Variants in ADAMTS3 observed in about 807,000 individuals in gnomAD.
ADAMTS3 encodes the protein ADAM metallopeptidase with thrombospondin type 1 motif 3, also known as A disintegrin and metalloproteinase with thrombospondin motifs 3.
In ADAMTS3, 73 loss-of-function variants were observed where a neutral mutation model predicts 129.0. That is an observed-to-expected ratio of 0.57 (90% CI 0.47 to 0.69). The LOEUF is 0.69. Among genes scored for constraint, ADAMTS3 ranks in the 30% least tolerant of loss-of-function variants. The pLI, the probability that ADAMTS3 is intolerant of heterozygous loss-of-function variation, is 0.00. For missense variants in ADAMTS3, 1,457 were observed against 1,514.5 expected (o/e 0.96, Z 0.63); for synonymous variants, 477 against 510.8 (o/e 0.93, Z 0.89).
chr4:72,332,768 C>T (rs757328202), intron 5 of ADAMTS3, among the ~76,000 whole-genome samples: 1 of 152,130 alleles, frequency 6.6e-6, no homozygotes, highest in Non-Finnish European at 1.5e-5. Context: ...AAATCTGCCT[C>T]ATCAGCCTGT....
chr4:72,323,036 A>G lies in ADAMTS3; in HGVS notation c.923T>C (p.Met308Thr). ...GVHINVVLVR[M>T]IMLGYAKSIS... ...TACCTTTGCATATCCCAGCATTATC[A>G]TGCGCACCAGGACCACATTTATATG... Residue 308 changes from methionine (M) to threonine (T), a missense_variant, in exon 6 of 22, where the codon ATG (methionine) becomes ACG (threonine). Transcript: ENST00000286657. 3.1e-6 allele frequency: 5 copies of G among 1,613,500 alleles called. No homozygotes were observed. The highest frequency in any genetic ancestry group is 4.2e-6 in the Non-Finnish European group (5 of 1,179,590).
At chr4:72,447,565 A>T (rs923582505) in intron 3 of ADAMTS3, among the ~76,000 whole-genome samples, 1 of 151,788 alleles carries the variant, frequency 6.6e-6, no homozygotes, top group African/African-American at 2.4e-5. Flanking sequence ...CAAAATGTAG[A>T]TGTAAAAATT....
intron 21 of ADAMTS3, among the ~76,000 whole-genome samples, chr4:72,285,769 CAAA>C (rs5859311): frequency 0.01 from 948 of 93,656 alleles, 6 homozygotes; most frequent in African/African-American, 0.031. Context: ...AGCTTACAGG[CAAA>C]AAAAAAAAAA....
At chr4:72,286,117 T>C (rs1049733380) in intron 21 of ADAMTS3, among the ~76,000 whole-genome samples, 3 of 152,380 alleles carry the variant, frequency 2.0e-5, no homozygotes, top group South Asian at 4.1e-4. Flanking sequence ...ATTAGCTCCC[T>C]GGTTTTATAT....
At chr4:72,411,463 T>C (rs1722182581) in intron 4 of ADAMTS3, among the ~76,000 whole-genome samples, 1 of 152,058 alleles carries the variant, frequency 6.6e-6, no homozygotes, top group Non-Finnish European at 1.5e-5. Context: ...CCCAATTCTG[T>C]GCAGTGTATA....
chr4:72,332,630 C>A (rs2109823704), intron 5 of ADAMTS3, among the ~76,000 whole-genome samples: 1 of 152,084 alleles, frequency 6.6e-6, no homozygotes, highest in South Asian at 2.1e-4. Context: ...CACATTAGAC[C>A]CAGAAGACCA....
chr4:72,397,544 G>A (rs1721756891), intron 4 of ADAMTS3, among the ~76,000 whole-genome samples: 2 of 140,604 alleles, frequency 1.4e-5, no homozygotes, highest in Non-Finnish European at 1.5e-5. Flanking sequence ...CAGCCTGGGC[G>A]ACAGGGTGAG....
At chr4:72,318,292 T>G (rs531451409) in intron 10 of ADAMTS3, among the ~76,000 whole-genome samples, 2 of 152,318 alleles carry the variant, frequency 1.3e-5, no homozygotes, top group East Asian at 1.9e-4. Context: ...CCAGTTCCCC[T>G]GTTTACCAGC....
chr4:72,291,113 A>G, intron 19 of ADAMTS3, 51 bp from the exon 20 acceptor site: 1 of 1,581,424 alleles, frequency 6.3e-7, no homozygotes, highest in South Asian at 1.1e-5. Flanking sequence ...TGTATAGTGT[A>G]CACATTTCTA....
chr4:72,394,645 G>T (rs772195212), intron 4 of ADAMTS3, among the ~76,000 whole-genome samples: 2 of 152,126 alleles, frequency 1.3e-5, no homozygotes, highest in Non-Finnish European at 2.9e-5. Context: ...ATTGAGGGGG[G>T]TGATGTATGT....
chr4:72,371,424 C>T (rs1200763595), intron 4 of ADAMTS3, among the ~76,000 whole-genome samples: 1 of 144,770 alleles, frequency 6.9e-6, no homozygotes, highest in Non-Finnish European at 1.5e-5. Flanking sequence ...AGAAAATGCA[C>T]CAAGCTGACA....
chr4:72,326,697 T>TA lies in ADAMTS3; in HGVS notation c.862-3601dup, dbSNP rs1041611089. ...CTATCCCCCATCCATGCACAAAGTTTAAAAAAAAAATTGTGAGTGTATTTT... is the reference window on the plus strand; with the variant it reads ...CTATCCCCCATCCATGCACAAAGTTTAAAAAAAAAAATTGTGAGTGTATTTT... On this transcript the variant is annotated intron_variant, in intron 5 of 21. Coordinates refer to ENST00000286657, the MANE Select transcript of ADAMTS3 (RefSeq NM_014243.3). Among the ~76,000 whole-genome samples the TA allele has an allele frequency of 1.3e-4, 19 of 150,202 alleles. No homozygotes were observed. In the South Asian group the frequency reaches 2.9e-3, roughly 23 times the overall value.
intron 4 of ADAMTS3, among the ~76,000 whole-genome samples, chr4:72,393,714 T>A (rs1252784253): frequency 6.6e-6 from 1 of 152,204 alleles, no homozygotes; most frequent in Non-Finnish European, 1.5e-5. Flanking sequence ...TAGAGATCAC[T>A]TATATCATTT....
At chr4:72,337,187 A>C (rs959563810) in intron 5 of ADAMTS3, among the ~76,000 whole-genome samples, 1 of 152,180 alleles carries the variant, frequency 6.6e-6, no homozygotes, top group Non-Finnish European at 1.5e-5. Context: ...AAGTATTAAA[A>C]AATTATTTTC....
At chr4:72,535,199 T>G (rs1721155788) in intron 3 of ADAMTS3, among the ~76,000 whole-genome samples, 1 of 152,176 alleles carries the variant, frequency 6.6e-6, no homozygotes, top group African/African-American at 2.4e-5. Flanking sequence ...TGGTACACCC[T>G]AAGCAAAGTC....
chr4:72,524,414 G>A (rs1720754502), intron 3 of ADAMTS3, among the ~76,000 whole-genome samples: 1 of 151,984 alleles, frequency 6.6e-6, no homozygotes, highest in African/African-American at 2.4e-5. Flanking sequence ...TGCTATATAA[G>A]TATATATAAC....
At chr4:72,403,394 T>C (rs79820581) in intron 4 of ADAMTS3, among the ~76,000 whole-genome samples, 142 of 152,192 alleles carry the variant, frequency 9.3e-4, no homozygotes, top group African/African-American at 3.3e-3. Context: ...GAAAATTTGA[T>C]TCCTTTTTAC....
intron 2 of ADAMTS3, among the ~76,000 whole-genome samples, chr4:72,550,981 C>T (rs56075339): frequency 0.011 from 1,747 of 152,162 alleles, 35 homozygotes; most frequent in African/African-American, 0.04. Context: ...TTGTTTGATG[C>T]TTATTAAGTT....
chr4:72,283,138 A>G lies in ADAMTS3; in HGVS notation c.3616T>C (p.Ter1206ArgextTer32). ...TCTAGCCTTTTTGGTTCACTTTCTC[A>G]TCTTTCTAAGGTGGATGATCTTGTC... Reference protein sequence around the residue: ...RPTRSSTLER* With the variant: ...RPTRSSTLERR Residue 1206 changes from the stop codon to arginine (R), a stop_lost, in exon 22 of 22, where the codon TGA (stop) becomes CGA (arginine). Coordinates refer to ENST00000286657, the MANE Select transcript of ADAMTS3 (RefSeq NM_014243.3). The G allele has an allele frequency of 1.3e-6, 2 of 1,592,172 alleles. No individual in the cohort carries two copies. Among genetic ancestry groups the G allele is most frequent in the Non-Finnish European group, 1.7e-6 (2 of 1,169,352 alleles).
Sources: gnomAD v4.1 joint callset for allele counts (sites outside exome capture counted in the v4.1 genomes callset) on GRCh38, gnomAD v4.1.1 for gene constraint, MANE v1.5 for transcripts, NCBI Gene and HGNC (gene_info 2026-07-23, HGNC 2026-07-21) for gene names.